ABCA8: variants seen among roughly 807,000 people sequenced by gnomAD.
ABCA8 encodes ATP binding cassette subfamily A member 8.
In ABCA8, 177 loss-of-function variants were observed where a neutral mutation model predicts 192.3. The ratio of observed to expected loss-of-function variants is 0.92; its 90% CI spans 0.81 to 1.04. ABCA8 has a LOEUF of 1.04. Ranked by LOEUF, ABCA8 falls within the 50% of genes least tolerant of loss-of-function variation. The pLI, the probability that ABCA8 is intolerant of heterozygous loss-of-function variation, is 0.00. For missense variants in ABCA8, 1,915 were observed against 1,904.8 expected, an observed-to-expected ratio of 1.01 and a Z score of -0.10; for synonymous variants, 642 against 690.2, an observed-to-expected ratio of 0.93 and a Z score of 1.09.
intron 4 of ABCA8, among the ~76,000 whole-genome samples, chr17:68,937,484 G>A (rs1267325600): frequency 1.3e-5 from 2 of 152,048 alleles, no homozygotes; most frequent in Admixed American, 1.3e-4. Context: ...GCACTGTTTT[G>A]TATCAGGTGG....
chr17:68,922,433 G>T, intron 11 of ABCA8, 133 bp from the exon 12 acceptor site: 4 of 598,298 alleles, frequency 6.7e-6, no homozygotes, highest in Non-Finnish European at 1.1e-5. Flanking sequence ...CACAGTCATA[G>T]CTGTGTGACA....
At position 68,895,141 on chromosome 17, in the gene ABCA8, A is replaced by G. The variant is rs1321330014; in HGVS notation, c.2765-128T>C. 5 of 571,298 alleles carry G rather than the reference A, an allele frequency of 8.8e-6. No homozygotes were observed. In the East Asian group the frequency reaches 1.3e-4, roughly 15 times the overall value. The allele number at this position is 571,298 out of a possible 1,614,324, so 35.4% of individuals were successfully genotyped here. On this transcript the variant is annotated intron_variant, in intron 21 of 39. Coordinates refer to ENST00000586539, the MANE Select transcript of ABCA8 (RefSeq NM_001288985.2). Reference sequence around the variant, plus strand: ...GGACTGTCAGGATATTTTCTACATAACATACATAACATCTATTATTTCTCA... The same window carrying G: ...GGACTGTCAGGATATTTTCTACATAGCATACATAACATCTATTATTTCTCA...
chr17:68,874,353 C>G (rs767589839), intron 37 of ABCA8, among the ~76,000 whole-genome samples: 1 of 152,182 alleles, frequency 6.6e-6, no homozygotes, highest in Non-Finnish European at 1.5e-5. Flanking sequence ...GTAATTGAGC[C>G]TCTGGTTAGA....
At chr17:68,942,405 C>T (rs2068257496) in intron 2 of ABCA8, among the ~76,000 whole-genome samples, 2 of 152,234 alleles carry the variant, frequency 1.3e-5, no homozygotes, top group South Asian at 4.1e-4. Flanking sequence ...ACACTGCAGG[C>T]ATCTGATGCC....
rs1205771075 is a variant in ABCA8 at position 68,929,086 on chromosome 17, A to G, written c.1088T>C (p.Leu363Ser). The G allele has an allele frequency of 6.3e-7, 1 of 1,598,698 alleles. No individual in the cohort carries two copies. Among genetic ancestry groups the G allele is most frequent in the Non-Finnish European group, 8.5e-7 (1 of 1,171,890 alleles). ...AAGCATGAAGGCAAAGGGACTAAGC[A>G]AGCTTAAAATCCACTCCAAGGATGC... Reference protein sequence around the residue: ...LPASLEWILSLLSPFAFMLGM... With the variant: ...LPASLEWILSSLSPFAFMLGM... The change falls in exon 9 of 40, where the codon TTG becomes TCG. Residue 363 changes from leucine to serine, a missense_variant. Coordinates refer to ENST00000586539, the MANE Select transcript of ABCA8 (RefSeq NM_001288985.2).
At chr17:68,909,315 T>C (rs908938764) in intron 17 of ABCA8, among the ~76,000 whole-genome samples, 2 of 152,200 alleles carry the variant, frequency 1.3e-5, no homozygotes, top group Non-Finnish European at 2.9e-5. Context: ...TCTGCTGTTG[T>C]AACATGGAGA....
intron 23 of ABCA8, among the ~76,000 whole-genome samples, chr17:68,893,233 T>A (rs2066658281): frequency 6.6e-6 from 1 of 152,212 alleles, no homozygotes; most frequent in Non-Finnish European, 1.5e-5. Context: ...AAATACATGA[T>A]CTATGTGCTC....
chr17:68,922,420 TCA>T (rs2067569912), intron 11 of ABCA8, 120 bp from the exon 12 acceptor site: 1 of 680,638 alleles, frequency 1.5e-6, no homozygotes, highest in Admixed American at 3.3e-5. Flanking sequence ...GTCTTCACTC[TCA>T]CACAGTCATA....
intron 10 of ABCA8, among the ~76,000 whole-genome samples, chr17:68,925,566 C>T (rs981004042): frequency 6.6e-6 from 1 of 152,144 alleles, no homozygotes; most frequent in Non-Finnish European, 1.5e-5. Context: ...ACGGAAGAAT[C>T]GTACTTCACT....
In ABCA8 at chr17:68,911,734, T is replaced by TACACACAA. The variant is rs2067231036; in HGVS notation, c.2139-3856_2139-3855insTTGTGTGT. Among the ~76,000 whole-genome samples the TACACACAA allele has an allele frequency of 6.9e-6, 1 of 143,980 alleles. No homozygotes were observed. Among genetic ancestry groups the TACACACAA allele is most frequent in the South Asian group, 2.3e-4 (1 of 4,338 alleles). The allele number at this position is 143,980 out of a possible 152,430, so 94.5% of individuals were successfully genotyped here. A position where few individuals can be genotyped will look rare whatever the true frequency, so the allele number is the denominator to read the frequency against. On this transcript the variant is annotated intron_variant, in intron 17 of 39. Transcript: ENST00000586539. This position sits in a 1 kb window ranked among gnomAD's most constrained non-coding sequence, Gnocchi z 5.7. ...CCTCTGCCAGCTCCAGACAGCTCAATACACACACACACACACACACACACA... is the reference window on the plus strand; with the variant it reads ...CCTCTGCCAGCTCCAGACAGCTCAATACACACAAACACACACACACACACACACACACA...
intron 14 of ABCA8, among the ~76,000 whole-genome samples, 200 bp from the exon 15 acceptor site, chr17:68,918,746 A>C (rs1210189016): frequency 6.6e-6 from 1 of 152,140 alleles, no homozygotes; most frequent in Non-Finnish European, 1.5e-5. Context: ...AGCCTGGCCA[A>C]CATGGCGAAA....
intron 11 of ABCA8, among the ~76,000 whole-genome samples, chr17:68,924,172 C>T (rs540433078): frequency 2.0e-4 from 31 of 152,106 alleles, no homozygotes; most frequent in South Asian, 8.3e-4. Context: ...CATGGAGAAA[C>T]CCCGTCTCTA....
rs758301605 is a variant in ABCA8 at position 68,885,343 on chromosome 17, C to T, written c.3430-28G>A. On this transcript the variant is annotated intron_variant, in intron 26 of 39. Coordinates refer to ENST00000586539, the MANE Select transcript of ABCA8 (RefSeq NM_001288985.2). ...AAAAGAAGCAAATATGAAGGTTAATCACTCTGAATTTCAATGTAAGTTCCA... is the reference window on the plus strand; with the variant it reads ...AAAAGAAGCAAATATGAAGGTTAATTACTCTGAATTTCAATGTAAGTTCCA... The T allele has an allele frequency of 7.6e-6, 12 of 1,582,098 alleles. No individual in the cohort carries two copies. The South Asian group carries it at 1.4e-4, about 19-fold the overall frequency.
intron 21 of ABCA8, among the ~76,000 whole-genome samples, chr17:68,898,652 G>A (rs1003908313): frequency 1.4e-4 from 21 of 152,038 alleles, no homozygotes; most frequent in African/African-American, 2.2e-4. Flanking sequence ...TTGTTGAGGC[G>A]TAAAACATAG....
rs776033851 is a variant in ABCA8 at position 68,891,554 on chromosome 17, A to G, written c.3079T>C (p.Phe1027Leu). Residue 1027 changes from phenylalanine to leucine, a missense_variant, in exon 24 of 40, where the codon TTC (phenylalanine) becomes CTC (leucine). By Grantham distance (22) the Phe-to-Leu change is conservative (BLOSUM62 0). Transcript: ENST00000586539. The stretch of plus-strand genomic sequence containing the variant: ...CAACTCGATGTTAAAACCAGCCAGA[A>G]CATGATATATGCCAGGAATCCGATT... Reference protein sequence around the residue: ...NPIGFLAYIMFWLVLTSSCPP... With the variant: ...NPIGFLAYIMLWLVLTSSCPP... 6.2e-7 allele frequency: 1 copy of G among 1,613,172 alleles called. No individual in the cohort carries two copies. The highest frequency in any genetic ancestry group is 1.3e-5 in the African/African-American group (1 of 74,922).
At chr17:68,898,032 T>G (rs551271583) in intron 21 of ABCA8, among the ~76,000 whole-genome samples, 5 of 152,244 alleles carry the variant, frequency 3.3e-5, no homozygotes, top group African/African-American at 1.2e-4. Flanking sequence ...TGCAAAGAGA[T>G]CCAAACCCAG....
At chr17:68,950,648 C>A (rs1265317452) in intron 1 of ABCA8, among the ~76,000 whole-genome samples, 1 of 152,030 alleles carries the variant, frequency 6.6e-6, no homozygotes, top group Non-Finnish European at 1.5e-5. Flanking sequence ...ACTATGTTTT[C>A]TAATTTATTA....
intron 12 of ABCA8, 142 bp from the exon 13 acceptor site, chr17:68,921,634 G>T: frequency 4.2e-6 from 2 of 473,150 alleles, no homozygotes; most frequent in South Asian, 4.5e-5. Context: ...TAAATATAGT[G>T]GGTTGTTAAA....
chr17:68,885,365 T>G, intron 26 of ABCA8, 50 bp from the exon 27 acceptor site: 1 of 1,547,052 alleles, frequency 6.5e-7, no homozygotes, highest in Non-Finnish European at 8.7e-7. Context: ...CAATGTAAGT[T>G]CCAAATCGAG....
Sources: allele counts gnomAD v4.1 joint callset (sites outside exome capture counted in the v4.1 genomes callset), GRCh38; gene constraint gnomAD v4.1.1; non-coding constraint Gnocchi (gnomAD v3.1); transcripts MANE v1.5; gene names NCBI Gene and HGNC (gene_info 2026-07-23, HGNC 2026-07-21).